REDIC1: variants seen among roughly 807,000 people sequenced by gnomAD.
REDIC1 encodes HEI10 Interacting Protein 1.
At chr12:39,692,161 A>G in the REDIC1 span, 1 of 1,384,472 alleles carries the variant, frequency 7.2e-7, no homozygotes, top group African/African-American at 1.5e-5. Flanking sequence ...AAAACTAACA[A>G]TTAAATAGAA....
the REDIC1 span, among the ~76,000 whole-genome samples, chr12:39,714,223 G>GTATATA: frequency 2.1e-5 from 2 of 95,002 alleles, no homozygotes; most frequent in African/African-American, 6.4e-5. Context: ...ATACGTATAT[G>GTATATA]CATGCATATA....
At chr12:39,731,412 C>T in the REDIC1 span, among the ~76,000 whole-genome samples, 2 of 152,194 alleles carry the variant, frequency 1.3e-5, 1 homozygote, top group Non-Finnish European at 2.9e-5. Context: ...GGCCCCTCTG[C>T]TGCAGGTCTG....
At chr12:39,675,289 A>G in the REDIC1 span, among the ~76,000 whole-genome samples, 1 of 152,110 alleles carries the variant, frequency 6.6e-6, no homozygotes, top group Non-Finnish European at 1.5e-5. Flanking sequence ...GGGTCTGAGC[A>G]CAGACCTTTC....
chr12:39,686,757 CT>C, the REDIC1 span, among the ~76,000 whole-genome samples: 1 of 152,208 alleles, frequency 6.6e-6, no homozygotes, highest in Non-Finnish European at 1.5e-5. Flanking sequence ...ATTTTCCAAA[CT>C]TTTATGCTCT....
the REDIC1 span, among the ~76,000 whole-genome samples, chr12:39,653,538 T>TCTTCTTTTTCTTCTTCTTCTTC: frequency 7.2e-3 from 483 of 66,674 alleles, 21 homozygotes; most frequent in African/African-American, 0.011. Flanking sequence ...TTCTTCTTCT[T>TCTTCTTTTTCTTCTTCTTCTTC]TTTCTTCTTC....
chr12:39,866,759 G>A, the REDIC1 span, among the ~76,000 whole-genome samples: 1 of 152,172 alleles, frequency 6.6e-6, no homozygotes, highest in Non-Finnish European at 1.5e-5. Context: ...GATTACAGGC[G>A]TGAGCCACAG....
the REDIC1 span, chr12:39,788,473 G>A: frequency 6.6e-6 from 1 of 152,146 alleles, no homozygotes; most frequent in African/African-American, 2.4e-5. Flanking sequence ...TCACATCCCA[G>A]GTGGGACTGA....
At chr12:39,668,747 T>G in the REDIC1 span, among the ~76,000 whole-genome samples, 1 of 152,180 alleles carries the variant, frequency 6.6e-6, no homozygotes, top group African/African-American at 2.4e-5. Context: ...GGAGGCTTTG[T>G]TCATTTTTTT....
the REDIC1 span, chr12:39,692,227 A>C: frequency 9.9e-7 from 1 of 1,006,918 alleles, no homozygotes; most frequent in Middle Eastern, 3.5e-4. Flanking sequence ...TATATCATGG[A>C]TATTTTAGTA....
chr12:39,718,138 A>G, the REDIC1 span, among the ~76,000 whole-genome samples: 7 of 152,180 alleles, frequency 4.6e-5, no homozygotes, highest in East Asian at 1.4e-3. Context: ...GGCATGTTCA[A>G]TGGTATAATC....
the REDIC1 span, among the ~76,000 whole-genome samples, chr12:39,880,272 T>A: frequency 2.6e-5 from 4 of 152,212 alleles, no homozygotes; most frequent in Non-Finnish European, 4.4e-5. Flanking sequence ...GGCCTAATCA[T>A]CATCACATGG....
the REDIC1 span, among the ~76,000 whole-genome samples, chr12:39,626,836 G>T: frequency 6.6e-6 from 1 of 152,202 alleles, no homozygotes; most frequent in Non-Finnish European, 1.5e-5. Flanking sequence ...CCAAATTGTA[G>T]TTTGTATTTT....
chr12:39,820,672 C>A, the REDIC1 span, among the ~76,000 whole-genome samples: 1 of 89,348 alleles, frequency 1.1e-5, no homozygotes, highest in African/African-American at 4.4e-5. Flanking sequence ...GCTCTTCTTT[C>A]TGTGACCTAG....
At chr12:39,725,413 A>G in the REDIC1 span, among the ~76,000 whole-genome samples, 3 of 152,238 alleles carry the variant, frequency 2.0e-5, no homozygotes, top group Non-Finnish European at 2.9e-5. Flanking sequence ...TCTTGATTGT[A>G]TCCCTGTTTG....
the REDIC1 span, among the ~76,000 whole-genome samples, chr12:39,680,640 G>A: frequency 6.6e-6 from 1 of 152,094 alleles, no homozygotes; most frequent in East Asian, 1.9e-4. Context: ...CTACCCAGAG[G>A]AAAATCAGTC....
chr12:39,768,305 C>T, the REDIC1 span, among the ~76,000 whole-genome samples: 126,331 of 152,076 alleles, frequency 0.83, 52,683 homozygotes, highest in African/African-American at 0.86. Flanking sequence ...CTCAAACTTT[C>T]TTCATATCGG....
At chr12:39,761,939 C>T in the REDIC1 span, among the ~76,000 whole-genome samples, 10 of 152,016 alleles carry the variant, frequency 6.6e-5, no homozygotes, top group East Asian at 3.9e-4. Flanking sequence ...AATCTGTCAG[C>T]GCTAAACTCA....
At chr12:39,730,728 T>A in the REDIC1 span, among the ~76,000 whole-genome samples, 1 of 152,182 alleles carries the variant, frequency 6.6e-6, no homozygotes, top group East Asian at 1.9e-4. Flanking sequence ...TTCTCCTGGA[T>A]AATATCCTGA....
the REDIC1 span, among the ~76,000 whole-genome samples, chr12:39,642,885 A>T: frequency 1.3e-5 from 2 of 151,814 alleles, no homozygotes; most frequent in Non-Finnish European, 2.9e-5. Context: ...CAAACTTAAA[A>T]GTTATAATTA....
Sources: gnomAD v4.1 joint callset for allele counts (sites outside exome capture counted in the v4.1 genomes callset) on GRCh38, gnomAD v4.1.1 for gene constraint, MANE v1.5 for transcripts, NCBI Gene and HGNC (gene_info 2026-07-23, HGNC 2026-07-21) for gene names.